The following OSBPL6 variants were observed in gnomAD, a reference collection of about 807,000 sequenced individuals.
The protein encoded by OSBPL6 is oxysterol-binding protein-related protein 6.
A neutral mutation model predicts 125.8 loss-of-function variants in OSBPL6; 49 were observed. The ratio of observed to expected loss-of-function variants is 0.39; its 90% CI spans 0.31 to 0.49. The LOEUF (loss-of-function observed/expected upper bound fraction) is 0.49. Ranked by LOEUF, OSBPL6 falls within the 20% of genes least tolerant of loss-of-function variation. The pLI, the probability that OSBPL6 is intolerant of heterozygous loss-of-function variation, is 0.88. For synonymous variants in OSBPL6, 394 were observed against 391.8 expected, an observed-to-expected ratio of 1.01 and a Z score of -0.07; for missense variants, 986 against 1,135.4, an observed-to-expected ratio of 0.87 and a Z score of 1.89.
rs540269327 is a variant in OSBPL6 at position 178,235,398 on chromosome 2, C to CTT, written c.-351+40749_-351+40750dup. On this transcript the variant is annotated intron_variant, in intron 1 of 24. Transcript: ENST00000190611. ...CTTTCTTTCCTTTTTCTTTTCTTTT[C>CTT]TTTTTTTTTTTTTTTTTTTTTTTTT... Among the ~76,000 whole-genome samples, 63 of 78,024 alleles carry CTT rather than the reference C, an allele frequency of 8.1e-4. 3 individuals carry two copies. Among genetic ancestry groups the CTT allele is most frequent in the Admixed American group, 3.1e-3 (16 of 5,198 alleles). The allele number at this position is 78,024 out of a possible 152,430, so 51.2% of individuals were successfully genotyped here. A position where few individuals can be genotyped will look rare whatever the true frequency, so the allele number is the denominator to read the frequency against.
At position 178,382,501 on chromosome 2, in the gene OSBPL6, C is replaced by T. The variant is rs1694570102; in HGVS notation, c.1615C>T (p.Arg539Trp). The part of the protein sequence containing the change: ...DNTSVADNIS[R>W]QILNGELTGG... ...CACCAGTGTTGCAGACAATATTTCT[C>T]GGCAAAGTATGCATCATTTGAGCTT... The change falls in exon 16 of 25, where the codon CGG becomes TGG. Residue 539 changes from arginine to tryptophan, a missense_variant. Coordinates refer to ENST00000190611, the MANE Select transcript of OSBPL6 (RefSeq NM_032523.4). 11 of 1,613,940 alleles carry T rather than the reference C, an allele frequency of 6.8e-6. No homozygotes were observed. The highest frequency in any genetic ancestry group is 4.4e-5 in the South Asian group (4 of 91,068).
chr2:178,336,316 T>C lies in OSBPL6; in HGVS notation c.673T>C (p.Phe225Leu). ...TTTGCCGTAGATGCAACCAAACAGC[T>C]TTCCGTGGCAGTCCCCTTTACCATG... ...VMDGKMQPNSFPWQSPLPCSN... is the reference protein window; with the variant it reads ...VMDGKMQPNSLPWQSPLPCSN... The change falls in exon 9 of 25, where the codon TTT becomes CTT. Residue 225 changes from phenylalanine (F) to leucine (L), a missense_variant. By Grantham distance (22) the Phe-to-Leu change is conservative. Around this residue, in one of 3 missense-constraint regions of OSBPL6, gnomAD observed 843 missense variants for 997.3 expected, o/e 0.85. Transcript: ENST00000190611. 6.2e-7 allele frequency: 1 copy of C among 1,613,960 alleles called. No individual in the cohort carries two copies. The highest frequency in any genetic ancestry group is 8.5e-7 in the Non-Finnish European group (1 of 1,179,928).
At chr2:178,379,354 GGGGAAGGAAGGAAAGGGAGGGAGGAA>G (rs1204330181) in intron 15 of OSBPL6, among the ~76,000 whole-genome samples, 1 of 128,810 alleles carries the variant, frequency 7.8e-6, no homozygotes, top group Non-Finnish European at 1.7e-5. Context: ...GAGGGAGGGA[GGGGAAGGAAGGAAAGGGAGGGAGGAA>G]AAGGAGAAAG....
At chr2:178,256,827 A>G (rs556179052) in intron 1 of OSBPL6, among the ~76,000 whole-genome samples, 29 of 152,338 alleles carry the variant, frequency 1.9e-4, no homozygotes, top group Non-Finnish European at 2.8e-4. Flanking sequence ...AATTTGAGCC[A>G]GCTACAGCAC....
intron 2 of OSBPL6, among the ~76,000 whole-genome samples, chr2:178,298,036 C>G (rs904010201): frequency 2.6e-5 from 4 of 152,222 alleles, no homozygotes; most frequent in African/African-American, 9.6e-5. Flanking sequence ...TCCTTACAGA[C>G]CCTGATAACC....
intron 4 of OSBPL6, among the ~76,000 whole-genome samples, chr2:178,327,957 A>C (rs76724983): frequency 0.28 from 42,023 of 152,072 alleles, 6,182 homozygotes; most frequent in Admixed American, 0.39. Flanking sequence ...TGGAAAAATG[A>C]ATTTTAAACA....
At position 178,218,608 on chromosome 2, in the gene OSBPL6, C is replaced by T. The variant is rs559890419; in HGVS notation, c.-351+23934C>T. On this transcript the variant is annotated intron_variant, in intron 1 of 24. Transcript: ENST00000190611. Reference sequence around the variant, plus strand: ...TCTTTTACTGACTTTTTTCTCTCCCCGTCTTTTATCCCCCTTCTTTCTTTC... The same window carrying T: ...TCTTTTACTGACTTTTTTCTCTCCCTGTCTTTTATCCCCCTTCTTTCTTTC... Among the ~76,000 whole-genome samples the T allele has an allele frequency of 4.7e-5, 7 of 149,848 alleles. 1 individual carries two copies. Among genetic ancestry groups the T allele is most frequent in the African/African-American group, 7.4e-5 (3 of 40,456 alleles).
At chr2:178,235,956 A>G (rs560354707) in intron 1 of OSBPL6, among the ~76,000 whole-genome samples, 1 of 152,222 alleles carries the variant, frequency 6.6e-6, no homozygotes, top group Non-Finnish European at 1.5e-5. Context: ...TTTTTACGTT[A>G]GATTCAGGAG....
rs148242873 is a variant in OSBPL6, at chr2:178,289,415, A to C, written c.-156+4294A>C. Among the ~76,000 whole-genome samples the C allele has an allele frequency of 9.2e-5, 14 of 152,238 alleles. No individual in the cohort carries two copies. The East Asian group carries it at 2.7e-3, about 29-fold the overall frequency. ...GCATAATGAACAACCATACGCACACACTCAGATTCATCTATCTCCTTCTCC... is the reference window on the plus strand; with the variant it reads ...GCATAATGAACAACCATACGCACACCCTCAGATTCATCTATCTCCTTCTCC... On this transcript the variant is annotated intron_variant, in intron 2 of 24. Coordinates refer to ENST00000190611, the MANE Select transcript of OSBPL6 (RefSeq NM_032523.4).
At chr2:178,322,016 T>C (rs113311664) in intron 3 of OSBPL6, among the ~76,000 whole-genome samples, 1 of 152,222 alleles carries the variant, frequency 6.6e-6, no homozygotes, top group African/African-American at 2.4e-5. Flanking sequence ...CTAACCCTTC[T>C]GACCCACATA....
At chr2:178,245,630 T>C (rs1255578977) in intron 1 of OSBPL6, among the ~76,000 whole-genome samples, 2 of 152,228 alleles carry the variant, frequency 1.3e-5, no homozygotes, top group Non-Finnish European at 2.9e-5. Flanking sequence ...GATAACTAGA[T>C]ACCAATCCAG....
At chr2:178,376,971 A>G (rs1175232701) in intron 15 of OSBPL6, among the ~76,000 whole-genome samples, 2 of 152,232 alleles carry the variant, frequency 1.3e-5, no homozygotes, top group African/African-American at 4.8e-5. Context: ...GGGGTAGGCC[A>G]GCAGATAAAC....
At chr2:178,234,586 G>C (rs969408877) in intron 1 of OSBPL6, among the ~76,000 whole-genome samples, 2 of 152,166 alleles carry the variant, frequency 1.3e-5, no homozygotes, top group African/African-American at 2.4e-5. Context: ...ATAGACATTA[G>C]TACAATCCAC....
chr2:178,237,910 C>T (rs568558347), intron 1 of OSBPL6, among the ~76,000 whole-genome samples: 1 of 152,216 alleles, frequency 6.6e-6, no homozygotes, highest in Non-Finnish European at 1.5e-5. Context: ...CACTTCTTAT[C>T]TCCACTGAAT....
At chr2:178,343,788 C>T (rs1206224889) in intron 11 of OSBPL6, among the ~76,000 whole-genome samples, 1 of 152,038 alleles carries the variant, frequency 6.6e-6, no homozygotes, top group East Asian at 1.9e-4. Flanking sequence ...CCCTCATACC[C>T]TTCCCTTACT....
At chr2:178,200,755 C>T (rs2089204853) in intron 1 of OSBPL6, among the ~76,000 whole-genome samples, 1 of 152,030 alleles carries the variant, frequency 6.6e-6, no homozygotes, top group South Asian at 2.1e-4. Flanking sequence ...TTCTTTAGGA[C>T]TTCCAGAAAT....
chr2:178,205,436 G>A (rs901270192), intron 1 of OSBPL6, among the ~76,000 whole-genome samples: 2 of 152,138 alleles, frequency 1.3e-5, no homozygotes, highest in African/African-American at 4.8e-5. Flanking sequence ...AGAAGTCTTA[G>A]AATTCTACCT....
intron 23 of OSBPL6, 108 bp downstream of exon 23, chr2:178,392,646 A>G (rs985365560): frequency 7.2e-7 from 1 of 1,385,414 alleles, no homozygotes; most frequent in South Asian, 1.4e-5. Flanking sequence ...ACTTGAGGTC[A>G]GGAATTCAAG....
intron 1 of OSBPL6, among the ~76,000 whole-genome samples, chr2:178,216,077 T>C (rs112860266): frequency 0.01 from 1,530 of 152,300 alleles, 18 homozygotes; most frequent in African/African-American, 0.028. Flanking sequence ...AATCAATCCA[T>C]AGGACCTTGG....
Sources: gnomAD v4.1 joint callset for allele counts (sites outside exome capture counted in the v4.1 genomes callset) on GRCh38, gnomAD v4.1.1 for gene constraint, gnomAD v4.1.1 regional missense constraint, MANE v1.5 for transcripts, NCBI Gene and HGNC (gene_info 2026-07-23, HGNC 2026-07-21) for gene names.